The following TPTE2 variants were observed in gnomAD, a reference collection of about 807,000 sequenced individuals.
TPTE2 encodes transmembrane phosphoinositide 3-phosphatase and tensin homolog 2.
A neutral mutation model predicts 78.6 loss-of-function variants in TPTE2; 53 were observed. The ratio of observed to expected loss-of-function variants is 0.67; its 90% CI spans 0.54 to 0.85. The LOEUF is 0.85. TPTE2 is among the 40% of genes least tolerant of loss of function. The pLI, the probability that TPTE2 is intolerant of heterozygous loss-of-function variation, is 0.00. For missense variants in TPTE2, 461 were observed against 623.0 expected (o/e 0.74, Z 2.77); for synonymous variants, 175 against 206.2 (o/e 0.85, Z 1.30).
chr13:19,467,515 A>G (rs993409587), intron 6 of TPTE2, among the ~76,000 whole-genome samples, 171 bp from the exon 10 acceptor site: 1 of 152,208 alleles, frequency 6.6e-6, no homozygotes, highest in African/African-American at 2.4e-5. Flanking sequence ...ATTCATGGGA[A>G]GTTTTCAAAC....
chr13:19,450,146 G>A (rs959649433), exon 13 of TPTE2: 2 of 1,611,092 alleles, frequency 1.2e-6, no homozygotes, highest in Non-Finnish European at 1.7e-6. Flanking sequence ...TTACTTCCTT[G>A]GTGAAAACCA....
chr13:19,423,993 T>C (rs1346439573), intron 19 of TPTE2, among the ~76,000 whole-genome samples: 1 of 152,212 alleles, frequency 6.6e-6, no homozygotes, highest in Non-Finnish European at 1.5e-5. Flanking sequence ...TTCCATCAAA[T>C]CCAAAGTTGA....
chr13:19,502,775 GTACCCTA>G (rs1371458417), intron 1 of TPTE2, among the ~76,000 whole-genome samples: 2 of 150,940 alleles, frequency 1.3e-5, no homozygotes, highest in Non-Finnish European at 2.9e-5. Context: ...ATGTGCACAT[GTACCCTA>G]AAACTTAAAG....
chr13:19,449,901 AC>A (rs1441875922), intron 13 of TPTE2, among the ~76,000 whole-genome samples, 174 bp downstream of exon 16: 1 of 151,842 alleles, frequency 6.6e-6, no homozygotes, highest in Non-Finnish European at 1.5e-5. Context: ...CCTATCTCCT[AC>A]CCTTCCTCCT....
the TPTE2 span, chr13:19,561,384 ACGC>A: frequency 5.6e-3 from 2,573 of 457,686 alleles, 29 homozygotes; most frequent in South Asian, 0.021. Context: ...GCTGTCGCAG[ACGC>A]CGCCACCTCC....
the TPTE2 span, among the ~76,000 whole-genome samples, chr13:19,555,361 A>C: frequency 9.2e-5 from 14 of 152,330 alleles, no homozygotes; most frequent in Admixed American, 3.3e-4. Context: ...CATGGAACAG[A>C]ATAACTCATT....
Position 19,451,703 on chromosome 13 carries a change from A to C in TPTE2, c.742-478T>G, listed in dbSNP as rs1240548991. 2.0e-5 allele frequency among the ~76,000 whole-genome samples: 3 copies of C among 152,130 alleles called. 1 individual carries two copies. The East Asian group carries it at 5.8e-4, about 29-fold the overall frequency. On this transcript the variant is annotated intron_variant, in intron 10 of 19. Transcript: ENST00000400230. Reference sequence around the variant, plus strand: ...CATGATTGTGTGTATGTGTGATAGAAAAAGATAAACATATCAAATTTTAAA... The same window carrying C: ...CATGATTGTGTGTATGTGTGATAGACAAAGATAAACATATCAAATTTTAAA...
chr13:19,471,147 A>T (rs1232983135), intron 6 of TPTE2, among the ~76,000 whole-genome samples: 1 of 152,044 alleles, frequency 6.6e-6, no homozygotes, highest in Admixed American at 6.5e-5. Flanking sequence ...TGACCTCATG[A>T]TCTGCCTGCC....
In TPTE2 at chr13:19,422,977, C is replaced by T. The variant is rs972092586; in HGVS notation, c.*85G>A. The stretch of plus-strand genomic sequence containing the variant: ...AGACTTAGGACACATGAACATGTGG[C>T]AGGGGTTGGAAAGAACATAATTCTT... On this transcript the variant is annotated 3_prime_UTR_variant, in exon 20 of 20. Transcript: ENST00000400230. 5 of 1,536,622 alleles carry T rather than the reference C, an allele frequency of 3.3e-6. No individual in the cohort carries two copies. In the African/African-American group the frequency reaches 6.9e-5, roughly 21 times the overall value.
rs1487442620 is a variant in TPTE2, at chr13:19,503,263, T to G, written c.-29A>C. 1.2e-6 allele frequency: 2 copies of G among 1,613,752 alleles called. No homozygotes were observed. The highest frequency in any genetic ancestry group is 1.1e-5 in the South Asian group (1 of 91,074). ...TGCCTCTGGGTTCACTCCTGATAAT[T>G]CATTTGTGGGTGGACTAGAGGATGA... On this transcript the variant is annotated 5_prime_UTR_variant, in exon 1 of 20. It removes the in-frame stop codon of an upstream open reading frame in the 5' UTR. Coordinates refer to ENST00000400230, the Ensembl canonical transcript of TPTE2.
chr13:19,492,847 C>T lies in TPTE2; in HGVS notation c.119+3G>A, dbSNP rs775187376. 30 of 1,613,738 alleles carry T rather than the reference C, an allele frequency of 1.9e-5. No individual in the cohort carries two copies. The highest frequency in any genetic ancestry group is 2.3e-5 in the Non-Finnish European group (27 of 1,179,792). ...CGTGTGTCTTCATGTATTTATAACT[C>T]ACCTTTTACTGATAGGTGACACCAG... On this transcript the variant is annotated splice_donor_region_variant and intron_variant, in intron 3 of 19. Coordinates refer to ENST00000400230, the Ensembl canonical transcript of TPTE2.
intron 10 of TPTE2, among the ~76,000 whole-genome samples, chr13:19,456,436 T>A (rs1320324458): frequency 6.6e-6 from 1 of 152,210 alleles, no homozygotes; most frequent in Non-Finnish European, 1.5e-5. Flanking sequence ...CAGCCTGTGG[T>A]GACAGAGCAA....
chr13:19,423,036 G>A (rs368239953), exon 20 of TPTE2: 33 of 1,609,300 alleles, frequency 2.1e-5, no homozygotes, highest in Middle Eastern at 1.7e-4. Context: ...ATACTTAGTC[G>A]GATCCAGCTA....
intron 15 of TPTE2, among the ~76,000 whole-genome samples, chr13:19,435,719 C>G (rs80193317): frequency 6.6e-6 from 1 of 151,028 alleles, no homozygotes; most frequent in Non-Finnish European, 1.5e-5. Flanking sequence ...TTTATTTTCT[C>G]TTTTAAAATA....
At chr13:19,426,130 GT>G (rs35510480) in intron 18 of TPTE2, 191,537 of 268,666 alleles carry the variant, frequency 0.71, 59,756 homozygotes, top group Admixed American at 0.82. Context: ...GTACCTTTGG[GT>G]TTTTTTTTTT....
chr13:19,494,041 T>G (rs1881164692), intron 1 of TPTE2, among the ~76,000 whole-genome samples: 2 of 152,158 alleles, frequency 1.3e-5, no homozygotes, highest in Non-Finnish European at 2.9e-5. Context: ...CTCTGTTGCT[T>G]TCTGCTGAAG....
intron 1 of TPTE2, among the ~76,000 whole-genome samples, chr13:19,528,770 C>T (rs1593422172): frequency 6.6e-6 from 1 of 152,196 alleles, no homozygotes; most frequent in East Asian, 1.9e-4. Flanking sequence ...GACCTTGAAT[C>T]TCAGAGACGG....
intron 4 of TPTE2, among the ~76,000 whole-genome samples, chr13:19,479,768 C>T (rs1204291622): frequency 1.3e-5 from 2 of 152,042 alleles, no homozygotes; most frequent in Admixed American, 6.6e-5. Flanking sequence ...TTGAGACCAT[C>T]CTGGCCAACA....
At chr13:19,551,427 T>C in the TPTE2 span, among the ~76,000 whole-genome samples, 1 of 151,986 alleles carries the variant, frequency 6.6e-6, no homozygotes, top group South Asian at 2.1e-4. Context: ...CCATCTCTAC[T>C]AAAAATACAA....
Sources: gnomAD v4.1 joint callset for allele counts (sites outside exome capture counted in the v4.1 genomes callset) on GRCh38, gnomAD v4.1.1 for gene constraint, MANE v1.5 for transcripts, NCBI Gene and HGNC (gene_info 2026-07-23, HGNC 2026-07-21) for gene names.